Variants in RSU1 observed in about 807,000 individuals in gnomAD.
RSU1 encodes the protein Ras suppressor protein 1, also known as rsu-1.
RSU1 carries 26 observed loss-of-function variants against 31.1 expected under a neutral mutation model. The ratio of observed to expected loss-of-function variants is 0.84; its 90% CI spans 0.61 to 1.16. The LOEUF (loss-of-function observed/expected upper bound fraction) is 1.16. RSU1 is among the 50% of genes most tolerant of loss of function. The pLI is 0.00. For synonymous variants in RSU1, 164 were observed against 136.3 expected (o/e 1.20, Z -1.41); for missense variants, 320 against 339.1 (o/e 0.94, Z 0.44).
intron 7 of RSU1, among the ~76,000 whole-genome samples, chr10:16,707,774 G>T (rs1277453662): frequency 1.3e-5 from 2 of 151,938 alleles, no homozygotes; most frequent in African/African-American, 4.8e-5. Flanking sequence ...TTGAAGTCTT[G>T]TTTAAAAAAC....
intron 4 of RSU1, among the ~76,000 whole-genome samples, chr10:16,761,395 A>G (rs567839661): frequency 2.0e-5 from 3 of 152,322 alleles, no homozygotes; most frequent in Admixed American, 2.0e-4. Flanking sequence ...TGCCTGGTAC[A>G]TGGTAAGGAA....
chr10:16,712,415 G>C (rs1430916741), intron 7 of RSU1, among the ~76,000 whole-genome samples: 1 of 151,892 alleles, frequency 6.6e-6, no homozygotes, highest in Non-Finnish European at 1.5e-5. Context: ...TTTTACTCAT[G>C]TTATTTTCCT....
intron 8 of RSU1, among the ~76,000 whole-genome samples, chr10:16,656,351 C>T (rs992315867): frequency 7.9e-5 from 12 of 152,104 alleles, no homozygotes; most frequent in African/African-American, 2.9e-4. Context: ...AAATGGCTGC[C>T]TAGGATTCAA....
At chr10:16,687,607 C>T (rs1835462656) in intron 8 of RSU1, among the ~76,000 whole-genome samples, 1 of 152,126 alleles carries the variant, frequency 6.6e-6, no homozygotes, top group Non-Finnish European at 1.5e-5. Context: ...TTCCTTACAT[C>T]CTCTGTATTC....
At chr10:16,706,527 A>G in intron 7 of RSU1, among the ~76,000 whole-genome samples, 1 of 152,240 alleles carries the variant, frequency 6.6e-6, no homozygotes, top group South Asian at 2.1e-4. Flanking sequence ...TACAATTTAC[A>G]AATATTTTCT....
intron 4 of RSU1, among the ~76,000 whole-genome samples, chr10:16,759,767 G>A (rs1837170638): frequency 6.6e-6 from 1 of 152,162 alleles, no homozygotes; most frequent in African/African-American, 2.4e-5. Flanking sequence ...AAGGAATTGA[G>A]AACAGAACTA....
At chr10:16,654,655 T>C (rs1412668754) in intron 8 of RSU1, among the ~76,000 whole-genome samples, 2 of 142,248 alleles carry the variant, frequency 1.4e-5, no homozygotes, top group Non-Finnish European at 3.0e-5. Context: ...AGTGACAGAG[T>C]GAGACTCCAT....
chr10:16,747,307 A>G (rs536882412), intron 7 of RSU1, among the ~76,000 whole-genome samples: 1 of 152,280 alleles, frequency 6.6e-6, no homozygotes, highest in South Asian at 2.1e-4. Context: ...CTATATATGC[A>G]GCCTAGACGT....
rs181536042 is a variant in RSU1, at chr10:16,602,202, C to A, written c.732-8706G>T. 1.8e-3 allele frequency among the ~76,000 whole-genome samples: 273 copies of A among 152,272 alleles called. 2 individuals are homozygous for A. Among genetic ancestry groups the A allele is most frequent in the Non-Finnish European group, 2.2e-3 (148 of 68,020 alleles). The stretch of plus-strand genomic sequence containing the variant: ...TCCATTCTGCCATCACAAAGCCCTA[C>A]GGGATGTATCAGGATCTCATCACTA... On this transcript the variant is annotated intron_variant, in intron 8 of 8. Coordinates refer to ENST00000345264, the MANE Select transcript of RSU1 (RefSeq NM_012425.4).
At chr10:16,806,706 A>C (rs1199946711) in intron 2 of RSU1, among the ~76,000 whole-genome samples, 1 of 152,176 alleles carries the variant, frequency 6.6e-6, no homozygotes, top group Non-Finnish European at 1.5e-5. Flanking sequence ...ATAATAAATT[A>C]CATAGGCATC....
intron 2 of RSU1, among the ~76,000 whole-genome samples, chr10:16,804,604 T>A (rs1838226997): frequency 6.6e-6 from 1 of 152,204 alleles, no homozygotes; most frequent in South Asian, 2.1e-4. Context: ...CAAACTGTGG[T>A]ACATCCAGAC....
At chr10:16,761,920 G>C (rs1299909583) in intron 4 of RSU1, among the ~76,000 whole-genome samples, 1 of 152,044 alleles carries the variant, frequency 6.6e-6, no homozygotes, top group African/African-American at 2.4e-5. Flanking sequence ...CAACTTGTAA[G>C]TCTGAGAAAT....
intron 4 of RSU1, among the ~76,000 whole-genome samples, chr10:16,760,150 C>T (rs531433048): frequency 1.3e-5 from 2 of 152,200 alleles, no homozygotes; most frequent in South Asian, 2.1e-4. Context: ...AGTACAGCAC[C>T]GACAGCCAAA....
intron 7 of RSU1, among the ~76,000 whole-genome samples, chr10:16,713,419 G>A (rs1028809207): frequency 3.3e-5 from 5 of 152,128 alleles, no homozygotes; most frequent in Admixed American, 2.0e-4. Flanking sequence ...CTCTGACTGG[G>A]ATAATTCAAG....
At chr10:16,678,825 C>T (rs1381366715) in intron 8 of RSU1, among the ~76,000 whole-genome samples, 1 of 152,036 alleles carries the variant, frequency 6.6e-6, no homozygotes. Flanking sequence ...TATTGCCTAT[C>T]CTTCAGGAAT....
At chr10:16,624,710 G>A (rs891968104) in intron 8 of RSU1, among the ~76,000 whole-genome samples, 1 of 152,046 alleles carries the variant, frequency 6.6e-6, no homozygotes, top group Non-Finnish European at 1.5e-5. Context: ...CTCTATCTGT[G>A]CACACTCTTT....
At chr10:16,765,416 A>T (rs1345521201) in intron 3 of RSU1, among the ~76,000 whole-genome samples, 1 of 152,214 alleles carries the variant, frequency 6.6e-6, no homozygotes, top group Non-Finnish European at 1.5e-5. Flanking sequence ...TTATATAGAA[A>T]TACAAAAAGT....
At chr10:16,714,077 G>C (rs753113842) in intron 7 of RSU1, among the ~76,000 whole-genome samples, 5 of 152,180 alleles carry the variant, frequency 3.3e-5, no homozygotes, top group Non-Finnish European at 7.3e-5. Flanking sequence ...GTATGGGTGT[G>C]GAGGGCGAAA....
intron 4 of RSU1, among the ~76,000 whole-genome samples, chr10:16,756,941 G>A (rs1837099285): frequency 3.3e-5 from 5 of 150,422 alleles, no homozygotes; most frequent in Admixed American, 2.7e-4. Context: ...GTGTGGGGGC[G>A]GGTATGTGTG....
Sources: gnomAD v4.1 joint callset for allele counts (sites outside exome capture counted in the v4.1 genomes callset) on GRCh38, gnomAD v4.1.1 for gene constraint, MANE v1.5 for transcripts, NCBI Gene and HGNC (gene_info 2026-07-23, HGNC 2026-07-21) for gene names.